BDP1: variants seen among roughly 807,000 people sequenced by gnomAD.
BDP1 encodes transcription factor TFIIIB component B'' homolog.
BDP1 carries 169 observed loss-of-function variants against 266.6 expected under a neutral mutation model. The ratio of observed to expected loss-of-function variants is 0.63; its 90% CI spans 0.56 to 0.72. The LOEUF is 0.72. Among genes scored for constraint, BDP1 ranks in the 30% least tolerant of loss-of-function variants. BDP1 has a pLI of 0.00. For synonymous variants in BDP1, 1,090 were observed against 1,022.4 expected (o/e 1.07, Z -1.26); for missense variants, 3,015 against 3,053.8 (o/e 0.99, Z 0.30).
In BDP1 at chr5:71,553,296, T is replaced by C. The variant is rs1742986077; in HGVS notation, c.7176T>C (p.Asp2392=). ...AAAAACGTTCACTCACTTTAAGAGA[T>C]GACTGTCAAGAATATACCACTGAGG... ...PAKKRSLTLR[D]DCQEYTTEVH... The change falls in exon 35 of 39, where the codon GAT becomes GAC. Residue 2392 remains aspartate (D), a synonymous_variant. Coordinates refer to ENST00000358731, the MANE Select transcript of BDP1 (RefSeq NM_018429.3). The C allele has an allele frequency of 6.2e-7, 1 of 1,612,722 alleles. No homozygotes were observed. The highest frequency in any genetic ancestry group is 1.3e-5 in the African/African-American group (1 of 74,890).
At chr5:71,478,247 C>G (rs1445289810) in intron 7 of BDP1, among the ~76,000 whole-genome samples, 3 of 152,090 alleles carry the variant, frequency 2.0e-5, no homozygotes, top group Non-Finnish European at 4.4e-5. Flanking sequence ...AAAACTCTGT[C>G]TCAAAAACAA....
intron 36 of BDP1, among the ~76,000 whole-genome samples, chr5:71,558,342 C>T (rs11746355): frequency 0.064 from 9,757 of 151,926 alleles, 442 homozygotes; most frequent in Middle Eastern, 0.12. Context: ...GCCAACATGG[C>T]GAAACCCCAT....
chr5:71,507,864 T>TA (rs1764668426), intron 16 of BDP1, among the ~76,000 whole-genome samples: 1 of 152,228 alleles, frequency 6.6e-6, no homozygotes, highest in South Asian at 2.1e-4. Context: ...GGACCTGTCT[T>TA]ACAGTATCAA....
chr5:71,562,441 A>G lies in BDP1; in HGVS notation c.7664A>G (p.Asn2555Ser), dbSNP rs17276250. The change falls in exon 38 of 39, where the codon AAT becomes AGT. Residue 2555 changes from asparagine (N) to serine (S), a missense_variant. Asn to Ser is a conservative substitution (Grantham distance 46, BLOSUM62 1). Transcript: ENST00000358731. ...CCATTCAATGAAAGCCAGGAAAAAAATCGAGAGTCCTCTGATCTGCTTCCA... is the reference window on the plus strand; with the variant it reads ...CCATTCAATGAAAGCCAGGAAAAAAGTCGAGAGTCCTCTGATCTGCTTCCA... ...SNPFNESQEKNRESSDLLPSP... is the reference protein window; with the variant it reads ...SNPFNESQEKSRESSDLLPSP... The G allele has an allele frequency of 0.029, 46,801 of 1,613,854 alleles. 842 individuals carry two copies. Among genetic ancestry groups the G allele is most frequent in the Non-Finnish European group, 0.035 (41,041 of 1,179,792 alleles).
intron 21 of BDP1, 78 bp from the exon 22 acceptor site, chr5:71,517,244 A>G (rs1561740283): frequency 2.5e-6 from 3 of 1,200,556 alleles, no homozygotes; most frequent in Non-Finnish European, 1.2e-6. Context: ...AAAAAACTAA[A>G]TATCTTAATG....
At chr5:71,519,827 C>T (rs1378325207) in intron 22 of BDP1, among the ~76,000 whole-genome samples, 1 of 152,138 alleles carries the variant, frequency 6.6e-6, no homozygotes, top group African/African-American at 2.4e-5. Context: ...TGGACATACA[C>T]CTGGCAGTAG....
In BDP1 at chr5:71,458,710, C is replaced by T. The variant is rs1403946030; in HGVS notation, c.344C>T (p.Ser115Phe). The T allele has an allele frequency of 6.2e-7, 1 of 1,614,174 alleles. No homozygotes were observed. The highest frequency in any genetic ancestry group is 1.7e-5 in the Admixed American group (1 of 60,020). The part of the protein sequence containing the change: ...VKSSVSVPSE[S>F]HPLSTINQEA... ...TCTAGTGTCAGTGTTCCTTCAGAAT[C>T]TCATCCCTTATCTACAATTAATCAA... The change falls in exon 2 of 39, where the codon TCT (serine) becomes TTT (phenylalanine). Residue 115 changes from serine (S) to phenylalanine (F), a missense_variant. Transcript: ENST00000358731.
At chr5:71,560,292 C>G in intron 37 of BDP1, 55 bp downstream of exon 37, 3 of 1,551,828 alleles carry the variant, frequency 1.9e-6, no homozygotes, top group Non-Finnish European at 1.8e-6. Flanking sequence ...ATAAATATAA[C>G]CTATACAGAA....
chr5:71,470,538 C>G, intron 7 of BDP1, 49 bp downstream of exon 7: 1 of 1,161,490 alleles, frequency 8.6e-7, no homozygotes, highest in Non-Finnish European at 1.3e-6. Context: ...CCAAACATTA[C>G]AAATGTTAGT....
chr5:71,578,160 A>C, the BDP1 span, among the ~76,000 whole-genome samples: 1 of 152,120 alleles, frequency 6.6e-6, no homozygotes, highest in Non-Finnish European at 1.5e-5. Context: ...CTCTGGACCG[A>C]GCAGCTGACC....
intron 32 of BDP1, among the ~76,000 whole-genome samples, chr5:71,546,659 T>G (rs536586360): frequency 7.5e-6 from 1 of 132,894 alleles, no homozygotes; most frequent in Admixed American, 7.8e-5. Flanking sequence ...AAAAACTGAA[T>G]CATTTGAAAG....
chr5:71,532,318 CTG>C lies in BDP1; in HGVS notation c.5786_5787del (p.Val1929GlufsTer12), dbSNP rs756954316. ...ACTTTATTTTGACAGCTTGAAATAA[CTG>C]TGAATGTCCCAGATGTAGGATGCAT... On this transcript the variant is annotated frameshift_variant, in exon 26 of 39. Coordinates refer to ENST00000358731, the MANE Select transcript of BDP1 (RefSeq NM_018429.3). LOFTEE classifies it high-confidence loss of function. 5 of 1,612,952 alleles carry C rather than the reference CTG, an allele frequency of 3.1e-6. No individual in the cohort carries two copies. Among genetic ancestry groups the C allele is most frequent in the Non-Finnish European group, 4.2e-6 (5 of 1,179,500 alleles).
At chr5:71,558,718 C>T (rs578259224) in intron 36 of BDP1, among the ~76,000 whole-genome samples, 5 of 151,244 alleles carry the variant, frequency 3.3e-5, no homozygotes, top group Admixed American at 6.6e-5. Flanking sequence ...CCCAGTTACT[C>T]GGCAGGCTGA....
In BDP1 at chr5:71,522,483, T is replaced by A. The variant is rs775626467; in HGVS notation, c.5186T>A (p.Leu1729His). ...AAAGGAGCTTCCAACACCCAGCTCC[T>A]TCTAAAAGTAAGTTTGGGCAAAAAA... ...LQKGASNTQL[L>H]LKEKAELLTS... is the part of the protein sequence containing the mutation. The change falls in exon 23 of 39, where the codon CTT becomes CAT. Residue 1729 changes from leucine (L) to histidine (H), a missense_variant. This residue lies in a region of BDP1 where 2,383 missense variants were observed against 2,404.9 expected (regional missense o/e 0.99). Transcript: ENST00000358731. 10 of 1,580,108 alleles carry A rather than the reference T, an allele frequency of 6.3e-6. No individual in the cohort carries two copies. The highest frequency in any genetic ancestry group is 8.5e-6 in the Non-Finnish European group (10 of 1,171,120).
intron 7 of BDP1, among the ~76,000 whole-genome samples, chr5:71,474,715 C>T (rs905958126): frequency 1.2e-4 from 18 of 151,406 alleles, no homozygotes; most frequent in African/African-American, 3.6e-4. Context: ...GGTGTGGTGG[C>T]AGGCACTTGT....
chr5:71,467,278 A>G, intron 5 of BDP1, 76 bp from the exon 6 acceptor site: 3 of 1,229,408 alleles, frequency 2.4e-6, no homozygotes, highest in South Asian at 1.4e-5. Flanking sequence ...ACCTCAAAAT[A>G]TAACTATTTA....
At chr5:71,501,713 G>A (rs1488130398) in intron 14 of BDP1, 60 bp downstream of exon 14, 5 of 982,982 alleles carry the variant, frequency 5.1e-6, no homozygotes, top group African/African-American at 1.7e-5. Flanking sequence ...AGGAATGATG[G>A]TAATAATTTG....
intron 26 of BDP1, among the ~76,000 whole-genome samples, chr5:71,534,141 G>C (rs1367899673): frequency 6.6e-6 from 1 of 152,082 alleles, no homozygotes; most frequent in Non-Finnish European, 1.5e-5. Flanking sequence ...TCATGCTTCT[G>C]TTGTCAGATC....
In BDP1 at chr5:71,522,837, A is replaced by G. The variant is rs1467383179; in HGVS notation, c.5275A>G (p.Ile1759Val). The change falls in exon 24 of 39, where the codon ATA (isoleucine) becomes GTA (valine). Residue 1759 changes from isoleucine (I) to valine (V), a missense_variant. By Grantham distance (29) the Ile-to-Val change is conservative (BLOSUM62 3). Coordinates refer to ENST00000358731, the MANE Select transcript of BDP1 (RefSeq NM_018429.3). ...VGSKESALAK[I>V]DAELEEVGPS... ...TTCCAAAGAGTCTGCTTTGGCAAAA[A>G]TAGATGCGGAATTAGAAGAAGTTGG... 1.2e-6 allele frequency: 2 copies of G among 1,613,930 alleles called. No homozygotes were observed. Among genetic ancestry groups the G allele is most frequent in the Non-Finnish European group, 1.7e-6 (2 of 1,179,964 alleles).
Sources: gnomAD v4.1 joint callset for allele counts (sites outside exome capture counted in the v4.1 genomes callset) on GRCh38, gnomAD v4.1.1 for gene constraint, gnomAD v4.1.1 regional missense constraint, MANE v1.5 for transcripts, NCBI Gene and HGNC (gene_info 2026-07-23, HGNC 2026-07-21) for gene names.